Variants in CDK8 observed in about 807,000 individuals in gnomAD.
CDK8 encodes the protein cyclin-dependent kinase 8.
Under a neutral mutation model 71.5 loss-of-function variants are expected in CDK8, and 29 were observed. The ratio of observed to expected loss-of-function variants is 0.41; its 90% CI spans 0.30 to 0.55. The LOEUF is 0.55. Ranked by LOEUF, CDK8 falls within the 20% of genes least tolerant of loss-of-function variation. CDK8 has a pLI of 0.37. For missense variants in CDK8, 288 were observed against 572.6 expected, an observed-to-expected ratio of 0.50 and a Z score of 5.07; for synonymous variants, 161 against 192.1, an observed-to-expected ratio of 0.84 and a Z score of 1.34.
At chr13:26,289,562 G>GT (rs1873199364) in intron 1 of CDK8, among the ~76,000 whole-genome samples, 1 of 151,770 alleles carries the variant, frequency 6.6e-6, no homozygotes, top group South Asian at 2.1e-4. Flanking sequence ...TTGTTTGTTT[G>GT]TTTTTTGAGA....
At chr13:26,392,148 A>G (rs1381966574) in intron 6 of CDK8, among the ~76,000 whole-genome samples, 2 of 152,192 alleles carry the variant, frequency 1.3e-5, no homozygotes. Context: ...AAATATTTTC[A>G]GCTTTAAATT....
intron 2 of CDK8, among the ~76,000 whole-genome samples, chr13:26,348,498 A>C (rs1417826605): frequency 6.6e-6 from 1 of 152,146 alleles, no homozygotes; most frequent in African/African-American, 2.4e-5. Flanking sequence ...TGAGAATCTA[A>C]TGCCTAATGA....
chr13:26,395,774 C>T (rs1302061342), intron 7 of CDK8, among the ~76,000 whole-genome samples: 1 of 151,956 alleles, frequency 6.6e-6, no homozygotes, highest in African/African-American at 2.4e-5. Context: ...TAGTTATTAC[C>T]CCTTCTTCCA....
chr13:26,335,893 A>G (rs987785479), intron 1 of CDK8, among the ~76,000 whole-genome samples: 7 of 148,654 alleles, frequency 4.7e-5, no homozygotes, highest in Non-Finnish European at 8.9e-5. Flanking sequence ...CATTTTCCAG[A>G]TAAAATATAA....
At chr13:26,272,270 A>G (rs1428939999) in intron 1 of CDK8, among the ~76,000 whole-genome samples, 1 of 151,922 alleles carries the variant, frequency 6.6e-6, no homozygotes, top group East Asian at 1.9e-4. Flanking sequence ...AGATGGGAGG[A>G]TTGCTTGAGG....
intron 1 of CDK8, among the ~76,000 whole-genome samples, chr13:26,312,386 G>T (rs1874326606): frequency 2.0e-5 from 3 of 152,142 alleles, no homozygotes; most frequent in South Asian, 4.1e-4. Context: ...CTTTGGGTCT[G>T]TACTACCTTT....
intron 4 of CDK8, among the ~76,000 whole-genome samples, chr13:26,377,427 T>C (rs2138037902): frequency 6.6e-6 from 1 of 152,376 alleles, no homozygotes; most frequent in African/African-American, 2.4e-5. Flanking sequence ...AACATAAGAA[T>C]GAATGTATAG....
intron 1 of CDK8, among the ~76,000 whole-genome samples, chr13:26,274,864 A>G (rs1872503921): frequency 6.6e-6 from 1 of 152,090 alleles, no homozygotes; most frequent in Non-Finnish European, 1.5e-5. Flanking sequence ...CAAATGTATC[A>G]GTCTTTTATT....
intron 1 of CDK8, among the ~76,000 whole-genome samples, chr13:26,318,494 G>A (rs1874617119): frequency 6.6e-6 from 1 of 152,078 alleles, no homozygotes; most frequent in Non-Finnish European, 1.5e-5. Context: ...AAAAACTACA[G>A]ACCAATATCT....
Position 26,364,219 on chromosome 13 carries a change from C to T in CDK8, c.456+10339C>T, listed in dbSNP as rs531976840. On this transcript the variant is annotated intron_variant, in intron 4 of 12. Coordinates refer to ENST00000381527, the MANE Select transcript of CDK8 (RefSeq NM_001260.3). ...ATAAGCCATAAACGAATCAGGAAAA[C>T]ACACGACACAATCAGTTTTTTTGTT... Among the ~76,000 whole-genome samples the T allele has an allele frequency of 3.9e-5, 6 of 152,208 alleles. No homozygotes were observed. The East Asian group carries it at 1.2e-3, about 29-fold the overall frequency.
intron 1 of CDK8, among the ~76,000 whole-genome samples, chr13:26,262,597 C>A (rs910203314): frequency 6.6e-6 from 1 of 152,070 alleles, no homozygotes; most frequent in African/African-American, 2.4e-5. Context: ...AGAGCAAGCT[C>A]GGTAGTTGGC....
chr13:26,400,805 G>GT lies in CDK8; in HGVS notation c.1031+257dup, dbSNP rs1180128138. On this transcript the variant is annotated intron_variant, in intron 10 of 12. Coordinates refer to ENST00000381527, the MANE Select transcript of CDK8 (RefSeq NM_001260.3). ...TAGTGATCCAGCTATTCAGTGACAG[G>GT]TTGGTTATGCGTGCTGTAGCTCCTT... Among the ~76,000 whole-genome samples, 4 of 152,206 alleles carry GT rather than the reference G, an allele frequency of 2.6e-5. No individual in the cohort carries two copies. In the East Asian group the frequency reaches 7.7e-4, roughly 29 times the overall value.
intron 1 of CDK8, among the ~76,000 whole-genome samples, chr13:26,327,038 C>T (rs1875051508): frequency 6.6e-6 from 1 of 152,030 alleles, no homozygotes; most frequent in South Asian, 2.1e-4. Context: ...ATCAAGTGTA[C>T]CTTGATTGTC....
chr13:26,384,911 TC>T (rs1875404834), intron 5 of CDK8, among the ~76,000 whole-genome samples: 1 of 152,068 alleles, frequency 6.6e-6, no homozygotes, highest in African/African-American at 2.4e-5. Context: ...AACAACCCTG[TC>T]CCTAACGGTG....
chr13:26,278,718 T>C (rs1872639775), intron 1 of CDK8, among the ~76,000 whole-genome samples: 1 of 152,208 alleles, frequency 6.6e-6, no homozygotes. Flanking sequence ...GGAGAGGTTT[T>C]TATTGGCCAG....
chr13:26,369,448 C>CAAAA lies in CDK8; in HGVS notation c.457-13346_457-13343dup, dbSNP rs1162252506. Among the ~76,000 whole-genome samples the CAAAA allele has an allele frequency of 1.7e-4, 8 of 46,668 alleles. No homozygotes were observed. In the East Asian group the frequency reaches 3.5e-3, roughly 21 times the overall value. 30.6% of individuals were successfully genotyped at this position (46,668 alleles called of 152,430 possible). On this transcript the variant is annotated intron_variant, in intron 4 of 12. Coordinates refer to ENST00000381527, the MANE Select transcript of CDK8 (RefSeq NM_001260.3). The stretch of plus-strand genomic sequence containing the variant: ...GGGGTGACAGAGTGAGACCCTGTCT[C>CAAAA]AAAAAAAAAAAAAAAAAAAAAAAGT...
At chr13:26,257,065 G>A (rs1871555453) in intron 1 of CDK8, among the ~76,000 whole-genome samples, 2 of 152,048 alleles carry the variant, frequency 1.3e-5, no homozygotes, top group African/African-American at 4.8e-5. Context: ...TAAAATTTGT[G>A]GCTGTTTAAT....
At position 26,342,102 on chromosome 13, in the gene CDK8, G is replaced by A. The variant is rs530292462; in HGVS notation, c.204+4460G>A. Among the ~76,000 whole-genome samples, 34 of 152,204 alleles carry A rather than the reference G, an allele frequency of 2.2e-4. No homozygotes were observed. In the South Asian group the frequency reaches 6.8e-3, roughly 31 times the overall value. ...TACCCAGCTAATTTTTGTATTTTTA[G>A]TAGAGATGGAGTTTCACCATGTTGG... On this transcript the variant is annotated intron_variant, in intron 2 of 12. Coordinates refer to ENST00000381527, the MANE Select transcript of CDK8 (RefSeq NM_001260.3).
At chr13:26,327,028 A>G (rs919610931) in intron 1 of CDK8, among the ~76,000 whole-genome samples, 4 of 152,222 alleles carry the variant, frequency 2.6e-5, no homozygotes, top group African/African-American at 9.6e-5. Flanking sequence ...AGTTTCTATC[A>G]TCAAGTGTAC....
Sources: allele counts gnomAD v4.1 joint callset (sites outside exome capture counted in the v4.1 genomes callset), GRCh38; gene constraint gnomAD v4.1.1; transcripts MANE v1.5; gene names NCBI Gene and HGNC (gene_info 2026-07-23, HGNC 2026-07-21).